The following SLC22A24 variants were observed in gnomAD, a reference collection of about 807,000 sequenced individuals.
SLC22A24 encodes steroid transmembrane transporter SLC22A24.
SLC22A24 carries 53 observed loss-of-function variants against 49.8 expected under a neutral mutation model. That is an observed-to-expected ratio of 1.06 (90% confidence interval 0.85 to 1.34). The LOEUF (loss-of-function observed/expected upper bound fraction) is 1.34. Among genes scored for constraint, SLC22A24 ranks in the 40% most tolerant of loss-of-function variants. SLC22A24 has a pLI of 0.00. For missense variants in SLC22A24, 786 were observed against 675.9 expected (o/e 1.16, Z -1.81); for synonymous variants, 302 against 256.4 (o/e 1.18, Z -1.70).
At chr11:63,109,006 C>T (rs2087142681) in intron 4 of SLC22A24, among the ~76,000 whole-genome samples, 1 of 122,224 alleles carries the variant, frequency 8.2e-6, no homozygotes, top group African/African-American at 3.1e-5. Flanking sequence ...CTCCCCCCAC[C>T]CCACAACAGT....
intron 5 of SLC22A24, among the ~76,000 whole-genome samples, chr11:63,099,371 A>ATTTTTT (rs56708217): frequency 0.016 from 815 of 52,342 alleles, 124 homozygotes; most frequent in African/African-American, 0.051. Context: ...AATTTTTAAG[A>ATTTTTT]TTTTTTTTTT....
rs2087433906 is a variant in SLC22A24, at chr11:63,143,815, A to G, written c.-36T>C. 5.3e-6 allele frequency: 7 copies of G among 1,326,952 alleles called. No homozygotes were observed. The highest frequency in any genetic ancestry group is 5.8e-6 in the Non-Finnish European group (6 of 1,034,028). 82.2% of individuals were successfully genotyped at this position (1,326,952 alleles called of 1,614,324 possible). A position where few individuals can be genotyped will look rare whatever the true frequency, so the allele number is the denominator to read the frequency against. ...CAGGTGATCCCCAAGAGGAAGCACAATGACTTTATGAAGAGAAGTTCAGAG... is the reference window on the plus strand; with the variant it reads ...CAGGTGATCCCCAAGAGGAAGCACAGTGACTTTATGAAGAGAAGTTCAGAG... On this transcript the variant is annotated 5_prime_UTR_variant, in exon 1 of 10. Transcript: ENST00000612278.
chr11:63,092,161 A>G (rs2087024200), intron 6 of SLC22A24, among the ~76,000 whole-genome samples: 1 of 152,046 alleles, frequency 6.6e-6, no homozygotes, highest in Admixed American at 6.6e-5. Context: ...AATTGCTACA[A>G]ACGGAATAAA....
In SLC22A24 at chr11:63,112,798, G is replaced by T. The variant is rs568101746; in HGVS notation, c.830+6114C>A. Among the ~76,000 whole-genome samples the T allele has an allele frequency of 2.0e-5, 3 of 151,674 alleles. No individual in the cohort carries two copies. The East Asian group carries it at 5.8e-4, about 29-fold the overall frequency. On this transcript the variant is annotated intron_variant, in intron 4 of 9. Coordinates refer to ENST00000612278, the MANE Select transcript of SLC22A24 (RefSeq NM_001136506.2). ...GGAGGCTGAGGCAGGTGGATCACGA[G>T]GTCAGGAGATTGAGACCATCGTGGC...
At chr11:63,115,500 C>A (rs960509703) in intron 4 of SLC22A24, among the ~76,000 whole-genome samples, 1 of 152,170 alleles carries the variant, frequency 6.6e-6, no homozygotes, top group African/African-American at 2.4e-5. Context: ...AAAGGGAAAT[C>A]CCCCAACCCC....
At chr11:63,136,002 A>G (rs1187316425) in intron 1 of SLC22A24, among the ~76,000 whole-genome samples, 1 of 152,196 alleles carries the variant, frequency 6.6e-6, no homozygotes, top group Non-Finnish European at 1.5e-5. Flanking sequence ...TTCTACAGTC[A>G]TTTGGCATTT....
At chr11:63,102,520 C>T (rs552800770) in intron 5 of SLC22A24, among the ~76,000 whole-genome samples, 1 of 152,120 alleles carries the variant, frequency 6.6e-6, no homozygotes, top group East Asian at 1.9e-4. Flanking sequence ...AAAATAAACC[C>T]CAATGGGTTG....
At chr11:63,116,184 T>C in intron 4 of SLC22A24, 1 of 386,348 alleles carries the variant, frequency 2.6e-6, no homozygotes, top group Non-Finnish European at 4.6e-6. Flanking sequence ...CTTTAGGCCC[T>C]TCTTGATGTG....
At chr11:63,099,175 A>G (rs2087074676) in intron 5 of SLC22A24, among the ~76,000 whole-genome samples, 1 of 151,874 alleles carries the variant, frequency 6.6e-6, no homozygotes, top group Non-Finnish European at 1.5e-5. Flanking sequence ...ATGCATGTTA[A>G]CAAATATTTA....
chr11:63,081,469 C>A (rs1016593019), intron 8 of SLC22A24, 89 bp downstream of exon 8: 4 of 908,252 alleles, frequency 4.4e-6, no homozygotes, highest in Middle Eastern at 2.2e-4. Flanking sequence ...TCATCTGGCA[C>A]CTAAACAGTG....
At chr11:63,080,141 T>G (rs1194389788) in intron 9 of SLC22A24, 141 bp from the exon 10 acceptor site, 1 of 583,752 alleles carries the variant, frequency 1.7e-6, no homozygotes, top group Non-Finnish European at 3.0e-6. Context: ...CTCTAGATAT[T>G]GATACTATTG....
At chr11:63,089,544 G>A (rs7123439) in intron 6 of SLC22A24, among the ~76,000 whole-genome samples, 3,245 of 152,276 alleles carry the variant, frequency 0.021, 115 homozygotes, top group African/African-American at 0.074. Flanking sequence ...GCATCATGAT[G>A]ATAGGATCAA....
intron 4 of SLC22A24, among the ~76,000 whole-genome samples, chr11:63,111,892 C>G (rs1038581583): frequency 6.6e-5 from 10 of 151,774 alleles, no homozygotes; most frequent in Non-Finnish European, 1.3e-4. Context: ...CTTCTGCTAG[C>G]TTTTGAATGT....
At chr11:63,125,452 C>G (rs2087283308) in intron 2 of SLC22A24, among the ~76,000 whole-genome samples, 1 of 152,112 alleles carries the variant, frequency 6.6e-6, no homozygotes, top group African/African-American at 2.4e-5. Flanking sequence ...ATGATGGTTT[C>G]TAGCTTCATC....
At chr11:63,112,725 C>T (rs953153408) in intron 4 of SLC22A24, among the ~76,000 whole-genome samples, 10 of 151,960 alleles carry the variant, frequency 6.6e-5, no homozygotes, top group Non-Finnish European at 1.5e-5. Context: ...GCATTTAGCC[C>T]ATTTACATTT....
At chr11:63,133,531 A>G (rs1364674989) in intron 2 of SLC22A24, among the ~76,000 whole-genome samples, 1 of 152,200 alleles carries the variant, frequency 6.6e-6, no homozygotes, top group Non-Finnish European at 1.5e-5. Flanking sequence ...TGTGGGTGAC[A>G]TGCTTCAGTG....
intron 1 of SLC22A24, among the ~76,000 whole-genome samples, chr11:63,137,419 T>G (rs950246359): frequency 6.6e-6 from 1 of 152,160 alleles, no homozygotes; most frequent in African/African-American, 2.4e-5. Flanking sequence ...CTTATTTGTC[T>G]GGTTATATTT....
chr11:63,115,876 TC>T, intron 4 of SLC22A24: 1 of 260,836 alleles, frequency 3.8e-6, no homozygotes, highest in South Asian at 1.1e-4. Flanking sequence ...GACAGAGATA[TC>T]CACTCTGAAG....
At position 63,105,734 on chromosome 11, in the gene SLC22A24, C is replaced by T. The variant is rs539260417; in HGVS notation, c.831-1436G>A. ...ATGATGGGAGGGGCTGCCCAAATGT[C>T]TCTGACATGCCCTGGAGACATTTTC... On this transcript the variant is annotated intron_variant, in intron 4 of 9. Transcript: ENST00000612278. 2.0e-5 allele frequency among the ~76,000 whole-genome samples: 3 copies of T among 152,126 alleles called. No individual in the cohort carries two copies. The South Asian group carries it at 6.2e-4, about 32-fold the overall frequency.
Sources: gnomAD v4.1 joint callset for allele counts (sites outside exome capture counted in the v4.1 genomes callset) on GRCh38, gnomAD v4.1.1 for gene constraint, MANE v1.5 for transcripts, NCBI Gene and HGNC (gene_info 2026-07-23, HGNC 2026-07-21) for gene names.